Variants in ZNF804B observed in about 807,000 individuals in gnomAD.
ZNF804B encodes the protein zinc finger 804B.
A neutral mutation model predicts 101.4 loss-of-function variants in ZNF804B; 80 were observed. That is an observed-to-expected ratio of 0.79 (90% confidence interval 0.66 to 0.95). The LOEUF is 0.95. ZNF804B is among the 40% of genes least tolerant of loss of function. ZNF804B has a pLI of 0.00. For missense variants in ZNF804B, 1,673 were observed against 1,561.9 expected, an observed-to-expected ratio of 1.07 and a Z score of -1.20; for synonymous variants, 622 against 558.8, an observed-to-expected ratio of 1.11 and a Z score of -1.59.
At chr7:89,128,721 ATC>A (rs1422834636) in intron 1 of ZNF804B, among the ~76,000 whole-genome samples, 15 of 151,880 alleles carry the variant, frequency 9.9e-5, no homozygotes, top group South Asian at 2.1e-4. Context: ...ATATTTTCTC[ATC>A]TCTCTGTTTT....
rs573103513 is a variant in ZNF804B, at chr7:89,318,028, A to G, written c.250-9316A>G. Among the ~76,000 whole-genome samples the G allele has an allele frequency of 6.0e-4, 92 of 152,348 alleles. 1 individual carries two copies. In the Middle Eastern group the frequency reaches 0.01, roughly 17 times the overall value. ...AACAGTTTAAAAAGCCAAGGCCTAG[A>G]TCAGGGATCAGTCATCAAAGAACAC... is the stretch of plus-strand genomic sequence containing the variant. On this transcript the variant is annotated intron_variant, in intron 2 of 3. Coordinates refer to ENST00000333190, the MANE Select transcript of ZNF804B (RefSeq NM_181646.5).
intron 1 of ZNF804B, among the ~76,000 whole-genome samples, chr7:89,024,811 A>C (rs543829352): frequency 2.6e-5 from 4 of 151,952 alleles, no homozygotes; most frequent in Non-Finnish European, 4.4e-5. Context: ...AATGATATTG[A>C]AGATTCTCGC....
intron 2 of ZNF804B, among the ~76,000 whole-genome samples, chr7:89,256,852 G>C (rs538374145): frequency 1.3e-5 from 2 of 152,148 alleles, no homozygotes; most frequent in African/African-American, 4.8e-5. Context: ...GGCCTTTATG[G>C]CACTAGCAGC....
At chr7:88,767,881 C>G (rs1790008339) in intron 1 of ZNF804B, among the ~76,000 whole-genome samples, 1 of 152,160 alleles carries the variant, frequency 6.6e-6, no homozygotes, top group African/African-American at 2.4e-5. Context: ...TTTTACCCTT[C>G]ATTTGTTGGG....
chr7:89,137,910 T>C (rs1378062144), intron 1 of ZNF804B, among the ~76,000 whole-genome samples: 1 of 151,970 alleles, frequency 6.6e-6, no homozygotes, highest in Non-Finnish European at 1.5e-5. Context: ...CCCCAAGCTG[T>C]ATGCATTCTA....
chr7:89,091,327 G>T (rs1192850431), intron 1 of ZNF804B, among the ~76,000 whole-genome samples: 1 of 152,012 alleles, frequency 6.6e-6, no homozygotes, highest in African/African-American at 2.4e-5. Flanking sequence ...TTCAAACATG[G>T]TGAGACCTAG....
intron 2 of ZNF804B, among the ~76,000 whole-genome samples, chr7:89,238,300 A>C (rs73397199): frequency 2.0e-5 from 3 of 152,216 alleles, no homozygotes; most frequent in African/African-American, 4.8e-5. Context: ...ATAATCCCTA[A>C]ATTTATGAAA....
At chr7:88,776,555 G>GTTTTTTTTTTTTTTTTTTTTTTT (rs10630362) in intron 1 of ZNF804B, among the ~76,000 whole-genome samples, 1 of 106,456 alleles carries the variant, frequency 9.4e-6, no homozygotes, top group Non-Finnish European at 2.0e-5. Flanking sequence ...TTCTCGTGGT[G>GTTTTTTTTTTTTTTTTTTTTTTT]TTTTGTTTTT....
chr7:89,017,886 C>G (rs1418145099), intron 1 of ZNF804B, among the ~76,000 whole-genome samples: 1 of 151,932 alleles, frequency 6.6e-6, no homozygotes, highest in Non-Finnish European at 1.5e-5. Context: ...ATTTTGCTGA[C>G]TCTGTTCATT....
chr7:88,953,860 A>G (rs1793261134), intron 1 of ZNF804B, among the ~76,000 whole-genome samples: 1 of 151,738 alleles, frequency 6.6e-6, no homozygotes, highest in Non-Finnish European at 1.5e-5. Flanking sequence ...ATTGCATTCT[A>G]TTATATGGAT....
In ZNF804B at chr7:89,241,947, C is replaced by T. The variant is rs1201966772; in HGVS notation, c.249+23652C>T. ...ATATGCTATGATCTTTCACACTTTC[C>T]ACCAACTTCTCTTCTCCAGGCTTTT... On this transcript the variant is annotated intron_variant, in intron 2 of 3. Transcript: ENST00000333190. Among the ~76,000 whole-genome samples the T allele has an allele frequency of 4.0e-5, 6 of 150,806 alleles. No homozygotes were observed. In the East Asian group the frequency reaches 1.2e-3, roughly 29 times the overall value.
At chr7:89,304,813 A>G (rs1289827782) in intron 2 of ZNF804B, among the ~76,000 whole-genome samples, 1 of 151,960 alleles carries the variant, frequency 6.6e-6, no homozygotes, top group Non-Finnish European at 1.5e-5. Flanking sequence ...CTACTGATTT[A>G]TAGAGTAGCA....
At chr7:88,973,426 C>T (rs1442835313) in intron 1 of ZNF804B, among the ~76,000 whole-genome samples, 1 of 151,232 alleles carries the variant, frequency 6.6e-6, no homozygotes, top group South Asian at 2.1e-4. Flanking sequence ...CTCTCTCTCT[C>T]TTTTTAAATC....
intron 1 of ZNF804B, among the ~76,000 whole-genome samples, chr7:89,103,055 T>G (rs1211537090): frequency 1.6e-4 from 7 of 45,066 alleles, no homozygotes; most frequent in African/African-American, 3.6e-4. Flanking sequence ...TCTGTTTTTT[T>G]TTTTTTTTTT....
chr7:89,104,737 G>C (rs1790110322), intron 1 of ZNF804B, among the ~76,000 whole-genome samples: 1 of 151,386 alleles, frequency 6.6e-6, no homozygotes, highest in Admixed American at 6.6e-5. Context: ...TTGATTCTCT[G>C]CTCTATCCTT....
At chr7:88,860,799 A>G (rs1170250043) in intron 1 of ZNF804B, among the ~76,000 whole-genome samples, 2 of 152,194 alleles carry the variant, frequency 1.3e-5, no homozygotes, top group African/African-American at 4.8e-5. Flanking sequence ...AATTTGTTTA[A>G]AGCAGTGTAC....
chr7:88,934,807 A>T (rs975814825), intron 1 of ZNF804B, among the ~76,000 whole-genome samples: 1 of 151,792 alleles, frequency 6.6e-6, no homozygotes, highest in Admixed American at 6.6e-5. Flanking sequence ...GTAAACTATG[A>T]AAAACACTGT....
intron 2 of ZNF804B, among the ~76,000 whole-genome samples, chr7:89,317,351 A>G (rs938762909): frequency 1.3e-5 from 2 of 152,224 alleles, no homozygotes; most frequent in African/African-American, 4.8e-5. Context: ...ATGACTAGGA[A>G]GAAGTGTATG....
At chr7:88,790,223 C>G (rs1309647441) in intron 1 of ZNF804B, among the ~76,000 whole-genome samples, 1 of 152,028 alleles carries the variant, frequency 6.6e-6, no homozygotes, top group East Asian at 1.9e-4. Context: ...GTTATGTACT[C>G]TTATTTAAAA....
Sources: gnomAD v4.1 joint callset for allele counts (sites outside exome capture counted in the v4.1 genomes callset) on GRCh38, gnomAD v4.1.1 for gene constraint, MANE v1.5 for transcripts, NCBI Gene and HGNC (gene_info 2026-07-23, HGNC 2026-07-21) for gene names.